Variants in C11orf58 observed in about 807,000 individuals in gnomAD.
C11orf58 encodes small acidic protein.
C11orf58 carries 5 observed loss-of-function variants against 22.7 expected under a neutral mutation model. The ratio of observed to expected loss-of-function variants is 0.22; its 90% CI spans 0.12 to 0.46. The LOEUF is 0.46. Ranked by LOEUF, C11orf58 falls within the 20% of genes least tolerant of loss-of-function variation. The pLI is 0.99. For missense variants in C11orf58, 151 were observed against 223.3 expected (o/e 0.68, Z 2.06); for synonymous variants, 71 against 70.7 (o/e 1.00, Z -0.02).
Position 16,738,672 on chromosome 11 carries a change from T to G in C11orf58, c.-107T>G. 6 of 1,271,454 alleles carry G rather than the reference T, an allele frequency of 4.7e-6. No individual in the cohort carries two copies. The highest frequency in any genetic ancestry group is 6.9e-6 in the Non-Finnish European group (6 of 873,262). 78.8% of individuals were successfully genotyped at this position (1,271,454 alleles called of 1,614,324 possible). On this transcript the variant is annotated 5_prime_UTR_variant, in exon 1 of 5. Transcript: ENST00000228136. ...AGAGAAGGCCCGGAGGGGCTCTGCGTTCTGTAGTGGCGCTGCTTGGGCCCT... is the reference window on the plus strand; with the variant it reads ...AGAGAAGGCCCGGAGGGGCTCTGCGGTCTGTAGTGGCGCTGCTTGGGCCCT...
In C11orf58 at chr11:16,754,854, GTTGA is replaced by G; in HGVS notation, c.319-11_319-8del. 1.9e-6 allele frequency: 3 copies of G among 1,610,400 alleles called. No homozygotes were observed. The South Asian group carries it at 3.3e-5, about 18-fold the overall frequency. The stretch of plus-strand genomic sequence containing the variant: ...CTAATGTTTATTTTTAAAAGAGCCT[GTTGA>G]TTGATGTTTTAGGTAGAAGACCATG... On this transcript the variant is annotated splice_polypyrimidine_tract_variant and intron_variant, in intron 4 of 4. Coordinates refer to ENST00000228136, the MANE Select transcript of C11orf58 (RefSeq NM_014267.6).
chr11:16,739,149 G>T (rs1848422543), intron 1 of C11orf58, among the ~76,000 whole-genome samples: 1 of 152,104 alleles, frequency 6.6e-6, no homozygotes, highest in African/African-American at 2.4e-5. Context: ...GGGCCGATGA[G>T]AGTGCTTTCT....
intron 4 of C11orf58, chr11:16,753,914 G>C (rs1472107376): frequency 1.8e-6 from 1 of 546,134 alleles, no homozygotes; most frequent in African/African-American, 1.9e-5. Flanking sequence ...GCCCAGGCTG[G>C]TCTCAAAACT....
chr11:16,743,225 C>T (rs532339155), intron 1 of C11orf58, among the ~76,000 whole-genome samples: 1 of 152,268 alleles, frequency 6.6e-6, no homozygotes, highest in African/African-American at 2.4e-5. Flanking sequence ...TGCCTTCACC[C>T]TTTGTCCATT....
intron 3 of C11orf58, chr11:16,749,266 C>CT (rs542545205): frequency 2.0e-5 from 3 of 152,176 alleles, no homozygotes; most frequent in Admixed American, 1.3e-4. Context: ...TTTAACAAAA[C>CT]TTTAAGTTAT....
intron 1 of C11orf58, among the ~76,000 whole-genome samples, chr11:16,740,790 GAA>G (rs34324472): frequency 6.0e-4 from 80 of 133,416 alleles, no homozygotes; most frequent in African/African-American, 1.3e-3. Flanking sequence ...AGCTGTTGCA[GAA>G]AAAAAAAAAA....
chr11:16,754,151 C>T, intron 4 of C11orf58: 1 of 396,994 alleles, frequency 2.5e-6, no homozygotes, highest in Non-Finnish European at 4.4e-6. Flanking sequence ...TGTGTGACTA[C>T]TGTTTACTCC....
rs1015567507 is a variant in C11orf58 at position 16,755,997 on chromosome 11, A to G, written c.*893A>G. The G allele has an allele frequency of 6.6e-6, 1 of 152,542 alleles. No individual in the cohort carries two copies. Among genetic ancestry groups the G allele is most frequent in the Non-Finnish European group, 1.5e-5 (1 of 68,000 alleles). 9.4% of individuals were successfully genotyped at this position (152,542 alleles called of 1,614,324 possible). A position where few individuals can be genotyped will look rare whatever the true frequency, so the allele number is the denominator to read the frequency against. On this transcript the variant is annotated 3_prime_UTR_variant, in exon 5 of 5. Transcript: ENST00000228136. ...CTTCATTTTATCCCAGTGCTATTTT[A>G]TTGATTAATTACTAAAAAGTATTAC...
At chr11:16,742,516 A>G (rs1848456044) in intron 1 of C11orf58, among the ~76,000 whole-genome samples, 1 of 152,224 alleles carries the variant, frequency 6.6e-6, no homozygotes, top group Non-Finnish European at 1.5e-5. Context: ...ATAAAAATAT[A>G]TGAGGGGGGT....
Position 16,755,590 on chromosome 11 carries a change from T to C in C11orf58, c.*486T>C, listed in dbSNP as rs1171805997. The C allele has an allele frequency of 2.6e-5, 4 of 153,988 alleles. No homozygotes were observed. Among genetic ancestry groups the C allele is most frequent in the Non-Finnish European group, 4.3e-5 (3 of 69,168 alleles). The allele number at this position is 153,988 out of a possible 1,614,324, so 9.5% of individuals were successfully genotyped here. Reference sequence around the variant, plus strand: ...AAAAGATTGGGTACTTAGTTTCCTGTTACTGAGTTAGCTCTACTCTTTTGG... The same window carrying C: ...AAAAGATTGGGTACTTAGTTTCCTGCTACTGAGTTAGCTCTACTCTTTTGG... On this transcript the variant is annotated 3_prime_UTR_variant, in exon 5 of 5. Transcript: ENST00000228136.
intron 1 of C11orf58, among the ~76,000 whole-genome samples, chr11:16,741,020 C>A: frequency 6.6e-6 from 1 of 150,664 alleles, no homozygotes; most frequent in East Asian, 2.0e-4. Context: ...GGCGTGAACC[C>A]GGGAGGCGGA....
At position 16,755,631 on chromosome 11, in the gene C11orf58, G is replaced by C. The variant is rs1242602694; in HGVS notation, c.*527G>C. Reference sequence around the variant, plus strand: ...ACTCTTTTGGACCAAAGCAACATGAGAGCAAGTACTTTTCACACTTGTTAA... The same window carrying C: ...ACTCTTTTGGACCAAAGCAACATGACAGCAAGTACTTTTCACACTTGTTAA... On this transcript the variant is annotated 3_prime_UTR_variant, in exon 5 of 5. Transcript: ENST00000228136. The C allele has an allele frequency of 6.5e-6, 1 of 152,888 alleles. No homozygotes were observed. Among genetic ancestry groups the C allele is most frequent in the East Asian group, 1.9e-4 (1 of 5,186 alleles). 9.5% of individuals were successfully genotyped at this position (152,888 alleles called of 1,614,324 possible).
At chr11:16,746,111 C>T (rs1487616160) in intron 2 of C11orf58, among the ~76,000 whole-genome samples, 1 of 152,186 alleles carries the variant, frequency 6.6e-6, no homozygotes, top group Non-Finnish European at 1.5e-5. Context: ...TCACAGAGGG[C>T]AGCTAACTCT....
chr11:16,743,152 A>C (rs909819322), intron 1 of C11orf58, among the ~76,000 whole-genome samples: 1 of 152,250 alleles, frequency 6.6e-6, no homozygotes, highest in African/African-American at 2.4e-5. Flanking sequence ...AAACTTAATT[A>C]GAATGATAAA....
intron 4 of C11orf58, among the ~76,000 whole-genome samples, chr11:16,754,511 T>TC (rs1848558186): frequency 8.0e-6 from 1 of 124,688 alleles, no homozygotes. Flanking sequence ...TTTTCTTTTT[T>TC]CTTTTTTTTT....
chr11:16,748,057 A>G, intron 2 of C11orf58, 40 bp from the exon 3 acceptor site: 1 of 1,480,958 alleles, frequency 6.8e-7, no homozygotes, highest in Non-Finnish European at 9.4e-7. Flanking sequence ...AGGTTAAATT[A>G]GTGGTCTCAA....
intron 1 of C11orf58, among the ~76,000 whole-genome samples, chr11:16,743,413 C>A (rs1312616755): frequency 1.3e-5 from 2 of 151,786 alleles, no homozygotes; most frequent in East Asian, 3.9e-4. Context: ...TCTTTTTTTT[C>A]TTTTTCTTGT....
At chr11:16,742,691 T>C (rs1848457420) in intron 1 of C11orf58, among the ~76,000 whole-genome samples, 1 of 152,214 alleles carries the variant, frequency 6.6e-6, no homozygotes, top group Non-Finnish European at 1.5e-5. Context: ...AATATTCTTT[T>C]AGTCTTTTAC....
intron 2 of C11orf58, among the ~76,000 whole-genome samples, chr11:16,745,326 C>A (rs180686846): frequency 6.6e-6 from 1 of 152,254 alleles, no homozygotes; most frequent in Non-Finnish European, 1.5e-5. Flanking sequence ...GCTGGTTCTG[C>A]AGGCAGTCAG....
Sources: allele counts gnomAD v4.1 joint callset (sites outside exome capture counted in the v4.1 genomes callset), GRCh38; gene constraint gnomAD v4.1.1; transcripts MANE v1.5; gene names NCBI Gene and HGNC (gene_info 2026-07-23, HGNC 2026-07-21).